EPDR1: variants seen among roughly 807,000 people sequenced by gnomAD.
The protein encoded by EPDR1 is ependymin related 1.
EPDR1 carries 27 observed loss-of-function variants against 23.7 expected under a neutral mutation model. The observed-to-expected ratio is 1.14, with a 90% CI of 0.84 to 1.57. The LOEUF is 1.57. Ranked by LOEUF, EPDR1 falls within the 40% of genes most tolerant of loss-of-function variation. The probability of loss-of-function intolerance (pLI) is 0.00; values close to 1 mark genes in which losing one functional copy is unlikely to be tolerated. For missense variants in EPDR1, 349 were observed against 290.4 expected, an observed-to-expected ratio of 1.20 and a Z score of -1.47; for synonymous variants, 137 against 118.2, an observed-to-expected ratio of 1.16 and a Z score of -1.03.
At chr7:37,945,617 G>A (rs780977884) in intron 1 of EPDR1, among the ~76,000 whole-genome samples, 15 of 152,164 alleles carry the variant, frequency 9.9e-5, no homozygotes, top group Non-Finnish European at 1.8e-4. Flanking sequence ...GTAGCGCAGT[G>A]CATTACTCAC....
intron 1 of EPDR1, among the ~76,000 whole-genome samples, chr7:37,923,731 C>A (rs1785760148): frequency 6.6e-6 from 1 of 151,958 alleles, no homozygotes; most frequent in African/African-American, 2.4e-5. Context: ...GGATCTGAAT[C>A]CAGACTCTGA....
intron 1 of EPDR1, among the ~76,000 whole-genome samples, chr7:37,933,174 C>G (rs1042520808): frequency 1.2e-4 from 18 of 152,256 alleles, no homozygotes; most frequent in Non-Finnish European, 2.4e-4. Flanking sequence ...GCCAGCATGG[C>G]AAGTGGCCGC....
intron 1 of EPDR1, among the ~76,000 whole-genome samples, chr7:37,937,248 AC>A (rs894487385): frequency 6.6e-6 from 1 of 152,220 alleles, no homozygotes; most frequent in African/African-American, 2.4e-5. Context: ...TAAACTGCAA[AC>A]CAAACTAAAG....
Position 37,949,000 on chromosome 7 carries a change from G to T in EPDR1, c.430G>T (p.Glu144Ter), listed in dbSNP as rs1786339479. The change falls in exon 2 of 3, where the codon GAG (glutamate) becomes TAG (stop). Residue 144 changes from glutamate to a stop codon, truncating the protein, a stop_gained. Coordinates refer to ENST00000199448, the MANE Select transcript of EPDR1 (RefSeq NM_017549.5). LOFTEE classifies it high-confidence loss of function. ...EDQYSIGGPQ[E>*]QITVQEWSDR... Reference sequence around the variant, plus strand: ...CCAGTACTCCATCGGGGGGCCTCAGGAGCAGATCACCGTCCAGGAGTGGTC... The same window carrying T: ...CCAGTACTCCATCGGGGGGCCTCAGTAGCAGATCACCGTCCAGGAGTGGTC... 4 of 1,614,162 alleles carry T rather than the reference G, an allele frequency of 2.5e-6. No homozygotes were observed. Among genetic ancestry groups the T allele is most frequent in the Non-Finnish European group, 3.4e-6 (4 of 1,180,034 alleles).
intron 1 of EPDR1, among the ~76,000 whole-genome samples, chr7:37,946,231 C>T (rs1786271676): frequency 6.6e-6 from 1 of 152,108 alleles, no homozygotes; most frequent in Non-Finnish European, 1.5e-5. Context: ...GATTTATATT[C>T]CTTGGGGTAT....
At position 37,921,102 on chromosome 7, in the gene EPDR1, T is replaced by C. The variant is rs1414819932; in HGVS notation, c.163T>C (p.Tyr55His). ...PQQWEGRQVMYQQSSGRNSRA... is the reference protein window; with the variant it reads ...PQQWEGRQVMHQQSSGRNSRA... Reference sequence around the variant, plus strand: ...GCAGTGGGAGGGGCGCCAGGTTATGTACCAGCAAAGTAGCGGGCGCAACAG... The same window carrying C: ...GCAGTGGGAGGGGCGCCAGGTTATGCACCAGCAAAGTAGCGGGCGCAACAG... The change falls in exon 1 of 3, where the codon TAC (tyrosine) becomes CAC (histidine). Residue 55 changes from tyrosine to histidine, a missense_variant. By Grantham distance (83) the Tyr-to-His change is moderately conservative. Coordinates refer to ENST00000199448, the MANE Select transcript of EPDR1 (RefSeq NM_017549.5). 6.3e-7 allele frequency: 1 copy of C among 1,592,284 alleles called. No individual in the cohort carries two copies.
chr7:37,943,662 G>A (rs1786215085), intron 1 of EPDR1, among the ~76,000 whole-genome samples: 1 of 152,132 alleles, frequency 6.6e-6, no homozygotes, highest in African/African-American at 2.4e-5. Context: ...TTGAGGTACA[G>A]TCAACATAAC....
chr7:37,923,639 G>T (rs2131998136), intron 1 of EPDR1, among the ~76,000 whole-genome samples: 2 of 152,094 alleles, frequency 1.3e-5, no homozygotes, highest in South Asian at 4.2e-4. Context: ...GTGTCAAAGA[G>T]AAGGATAAGG....
chr7:37,950,269 A>G lies in EPDR1; in HGVS notation c.548A>G (p.Tyr183Cys), dbSNP rs1279028028. 1 of 1,614,074 alleles carries G rather than the reference A, an allele frequency of 6.2e-7. No homozygotes were observed. Among genetic ancestry groups the G allele is most frequent in the Middle Eastern group, 1.6e-4 (1 of 6,062 alleles). The change falls in exon 3 of 3, where the codon TAC becomes TGC. Residue 183 changes from tyrosine to cysteine, a missense_variant. Physicochemically the swap from Tyr to Cys is radical, Grantham distance 194 (BLOSUM62 -2). Transcript: ENST00000199448. ...YPVQETFTIN[Y>C]SVILSTRFFD... is the part of the protein sequence containing the mutation. ...GTCCAGGAAACCTTTACCATAAACT[A>G]CAGTGTGATATTGTCTACGCGGTTT...
chr7:37,942,843 A>G (rs1420246897), intron 1 of EPDR1, among the ~76,000 whole-genome samples: 1 of 152,240 alleles, frequency 6.6e-6, no homozygotes, highest in Non-Finnish European at 1.5e-5. Flanking sequence ...TTCAGAAAAC[A>G]TGGTGATTCG....
intron 1 of EPDR1, among the ~76,000 whole-genome samples, chr7:37,947,202 T>C (rs1316591281): frequency 6.6e-6 from 1 of 152,236 alleles, no homozygotes; most frequent in Non-Finnish European, 1.5e-5. Context: ...ATATTTTTAC[T>C]GCACCTTTTC....
intron 1 of EPDR1, among the ~76,000 whole-genome samples, chr7:37,924,606 T>C (rs1785779898): frequency 6.6e-6 from 1 of 152,260 alleles, no homozygotes; most frequent in African/African-American, 2.4e-5. Flanking sequence ...CTCATTCCTC[T>C]GCCCTAATCC....
chr7:37,934,922 G>A (rs1786018139), intron 1 of EPDR1, among the ~76,000 whole-genome samples: 1 of 151,746 alleles, frequency 6.6e-6, no homozygotes, highest in Non-Finnish European at 1.5e-5. Context: ...TCCAGCCTGG[G>A]TGACAGAGTG....
intron 1 of EPDR1, among the ~76,000 whole-genome samples, chr7:37,937,756 A>C (rs1021728261): frequency 6.6e-6 from 1 of 152,170 alleles, no homozygotes; most frequent in East Asian, 1.9e-4. Context: ...AAATCTATGC[A>C]ATCTATTGTA....
At chr7:37,931,570 G>C (rs1315263126) in intron 1 of EPDR1, among the ~76,000 whole-genome samples, 1 of 151,882 alleles carries the variant, frequency 6.6e-6, no homozygotes, top group Admixed American at 6.6e-5. Context: ...AACTAAATTT[G>C]GTTTCGTTTC....
At chr7:37,934,114 CTA>C (rs1175445604) in intron 1 of EPDR1, among the ~76,000 whole-genome samples, 3 of 152,032 alleles carry the variant, frequency 2.0e-5, no homozygotes, top group Non-Finnish European at 4.4e-5. Context: ...GCAGCTGGGA[CTA>C]TAGGTGCCCA....
chr7:37,921,549 A>G, intron 1 of EPDR1: 1 of 1,229,844 alleles, frequency 8.1e-7, no homozygotes, highest in Non-Finnish European at 1.0e-6. Flanking sequence ...CTCTGGGCTC[A>G]TGGAGCCCCC....
At chr7:37,933,016 G>T (rs1435826577) in intron 1 of EPDR1, among the ~76,000 whole-genome samples, 1 of 152,212 alleles carries the variant, frequency 6.6e-6, no homozygotes, top group African/African-American at 2.4e-5. Context: ...TCCTCAGGCT[G>T]CATTCTTAAG....
intron 1 of EPDR1, among the ~76,000 whole-genome samples, chr7:37,927,881 T>C (rs997910991): frequency 6.6e-6 from 1 of 152,226 alleles, no homozygotes. Flanking sequence ...TGACTGCTTG[T>C]GGCCTCCTGA....
Sources: gnomAD v4.1 joint callset for allele counts (sites outside exome capture counted in the v4.1 genomes callset) on GRCh38, gnomAD v4.1.1 for gene constraint, MANE v1.5 for transcripts, NCBI Gene and HGNC (gene_info 2026-07-23, HGNC 2026-07-21) for gene names.